COL21A1: variants seen among roughly 807,000 people sequenced by gnomAD.
COL21A1 encodes collagen type XXI alpha 1 chain.
A neutral mutation model predicts 137.9 loss-of-function variants in COL21A1; 149 were observed. The ratio of observed to expected loss-of-function variants is 1.08; its 90% CI spans 0.95 to 1.24. COL21A1 has a LOEUF of 1.24. COL21A1 is among the 50% of genes most tolerant of loss of function. The pLI is 0.00. For missense variants in COL21A1, 1,167 were observed against 1,158.4 expected, an observed-to-expected ratio of 1.01 and a Z score of -0.11; for synonymous variants, 456 against 391.5, an observed-to-expected ratio of 1.16 and a Z score of -1.95.
intron 1 of COL21A1, among the ~76,000 whole-genome samples, chr6:56,239,111 T>C (rs372681435): frequency 6.6e-6 from 1 of 152,188 alleles, no homozygotes; most frequent in African/African-American, 2.4e-5. Context: ...ATGGCCTCAA[T>C]GTATTAGAGC....
intron 1 of COL21A1, among the ~76,000 whole-genome samples, chr6:56,188,465 G>C (rs1778444892): frequency 6.6e-6 from 1 of 152,172 alleles, no homozygotes; most frequent in Non-Finnish European, 1.5e-5. Flanking sequence ...GGGAATCTCT[G>C]AAAATAAGGC....
intron 1 of COL21A1, chr6:56,332,047 G>C (rs1390237840): frequency 6.6e-6 from 1 of 152,232 alleles, no homozygotes; most frequent in African/African-American, 2.4e-5. Context: ...TAACACAGAA[G>C]TGATGTTACC....
intron 16 of COL21A1, among the ~76,000 whole-genome samples, chr6:56,104,053 T>A (rs1770672856): frequency 6.6e-6 from 1 of 152,210 alleles, no homozygotes; most frequent in African/African-American, 2.4e-5. Context: ...GCACTGAATT[T>A]TATTATGCTA....
upstream of COL21A1, among the ~76,000 whole-genome samples, chr6:56,248,463 C>A (rs1398103558): frequency 6.6e-6 from 1 of 152,194 alleles, no homozygotes; most frequent in Non-Finnish European, 1.5e-5. Context: ...ATGCCCAACC[C>A]CACTTTGGTT....
intron 1 of COL21A1, among the ~76,000 whole-genome samples, chr6:56,194,270 AAAAGGAT>A (rs1192860751): frequency 6.6e-6 from 1 of 152,250 alleles, no homozygotes; most frequent in Non-Finnish European, 1.5e-5. Context: ...TAGAAGATAC[AAAAGGAT>A]ACTAAATTCA....
chr6:56,250,402 T>G (rs1782828670), upstream of COL21A1, among the ~76,000 whole-genome samples: 1 of 152,194 alleles, frequency 6.6e-6, no homozygotes, highest in South Asian at 2.1e-4. Context: ...CGGGGAAAGC[T>G]ATCATCCATG....
chr6:56,124,039 C>CT (rs66532466), intron 16 of COL21A1, 23 bp downstream of exon 16: 90,045 of 1,196,794 alleles, frequency 0.075, 86 homozygotes, highest in African/African-American at 0.082. Context: ...TTGTTTTGTC[C>CT]TTTTTTTTTT....
intron 1 of COL21A1, among the ~76,000 whole-genome samples, chr6:56,379,271 T>C (rs909614605): frequency 6.6e-6 from 1 of 152,172 alleles, no homozygotes; most frequent in Non-Finnish European, 1.5e-5. Flanking sequence ...AACAGAGATA[T>C]GTGACCTTTC....
chr6:56,252,982 A>G (rs2152329418), intron 1 of COL21A1, among the ~76,000 whole-genome samples: 1 of 152,316 alleles, frequency 6.6e-6, no homozygotes, highest in African/African-American at 2.4e-5. Context: ...AGAGCCTAAT[A>G]CACAATAGCT....
intron 1 of COL21A1, among the ~76,000 whole-genome samples, chr6:56,321,682 G>A (rs1364705426): frequency 2.6e-5 from 4 of 152,150 alleles, no homozygotes; most frequent in African/African-American, 9.7e-5. Flanking sequence ...GTGCAGTGGT[G>A]GTTCAAGAAG....
chr6:56,277,594 T>C (rs965843680), intron 1 of COL21A1, among the ~76,000 whole-genome samples: 1 of 152,212 alleles, frequency 6.6e-6, no homozygotes, highest in East Asian at 1.9e-4. Flanking sequence ...AGTGGCACCA[T>C]AATTTATAAA....
At chr6:56,365,782 T>G (rs1766084790) in intron 1 of COL21A1, among the ~76,000 whole-genome samples, 1 of 152,150 alleles carries the variant, frequency 6.6e-6, no homozygotes, top group South Asian at 2.1e-4. Context: ...GCAGTTTCAT[T>G]GACCTGATGG....
chr6:56,158,273 T>C (rs1388941935), intron 9 of COL21A1, among the ~76,000 whole-genome samples: 9 of 133,720 alleles, frequency 6.7e-5, no homozygotes, highest in South Asian at 2.6e-4. Flanking sequence ...TTTCTTTTTT[T>C]TTTTTTTTTT....
intron 1 of COL21A1, among the ~76,000 whole-genome samples, chr6:56,292,947 T>C (rs1044917144): frequency 2.0e-5 from 3 of 152,216 alleles, no homozygotes; most frequent in African/African-American, 7.2e-5. Context: ...TGTGTTAATA[T>C]AAAGTATATA....
intron 1 of COL21A1, among the ~76,000 whole-genome samples, chr6:56,373,513 A>C (rs1351717576): frequency 1.3e-5 from 2 of 152,146 alleles, no homozygotes; most frequent in Non-Finnish European, 2.9e-5. Flanking sequence ...GAGGCAGAAG[A>C]ATCACTTGAA....
intron 29 of COL21A1, among the ~76,000 whole-genome samples, chr6:56,058,360 C>T (rs1765510135): frequency 6.6e-6 from 1 of 152,038 alleles, no homozygotes; most frequent in African/African-American, 2.4e-5. Context: ...GGTATTAAAG[C>T]CCTAATTTGT....
At chr6:56,123,751 A>T (rs1355002932) in intron 16 of COL21A1, among the ~76,000 whole-genome samples, 1 of 152,202 alleles carries the variant, frequency 6.6e-6, no homozygotes, top group Non-Finnish European at 1.5e-5. Context: ...AGCCCACTGA[A>T]ACCTCAATCT....
chr6:56,255,001 C>T (rs1391865194), intron 1 of COL21A1, among the ~76,000 whole-genome samples: 1 of 152,142 alleles, frequency 6.6e-6, no homozygotes, highest in African/African-American at 2.4e-5. Context: ...TGACTCAGCA[C>T]TCATTCCCTT....
chr6:56,159,901 T>G (rs980765213), intron 9 of COL21A1, among the ~76,000 whole-genome samples: 1 of 152,264 alleles, frequency 6.6e-6, no homozygotes, highest in East Asian at 1.9e-4. Flanking sequence ...TAATAATGTT[T>G]TCAGTTAATC....
Sources: gnomAD v4.1 joint callset for allele counts (sites outside exome capture counted in the v4.1 genomes callset) on GRCh38, gnomAD v4.1.1 for gene constraint, MANE v1.5 for transcripts, NCBI Gene and HGNC (gene_info 2026-07-23, HGNC 2026-07-21) for gene names.